The following DLG2 variants were observed in gnomAD, a reference collection of about 807,000 sequenced individuals.
DLG2 encodes the protein disks large homolog 2.
In DLG2, 45 loss-of-function variants were observed where a neutral mutation model predicts 132.5. That is an observed-to-expected ratio of 0.34 (90% CI 0.27 to 0.44). The LOEUF is 0.44. DLG2 is among the 20% of genes least tolerant of loss of function. The pLI is 1.00. For synonymous variants in DLG2, 424 were observed against 419.6 expected (o/e 1.01, Z -0.13); for missense variants, 1,045 against 1,196.9 (o/e 0.87, Z 1.87).
chr11:85,214,241 C>T (rs1344700469), intron 4 of DLG2, among the ~76,000 whole-genome samples: 1 of 152,106 alleles, frequency 6.6e-6, no homozygotes, highest in Non-Finnish European at 1.5e-5. Context: ...TCCTTTTTAG[C>T]TCTCGTCTTG....
At chr11:84,545,399 G>A in intron 6 of DLG2, 1 of 507,126 alleles carries the variant, frequency 2.0e-6, no homozygotes, top group Non-Finnish European at 3.8e-6. Context: ...AACCACCACG[G>A]CTGCCACCAA....
At chr11:84,859,022 C>T (rs1470855143) in intron 6 of DLG2, among the ~76,000 whole-genome samples, 3 of 151,856 alleles carry the variant, frequency 2.0e-5, no homozygotes, top group Non-Finnish European at 4.4e-5. Context: ...TTATACGCTT[C>T]ATCTTTTTAT....
chr11:84,325,582 G>A (rs2098426440), intron 7 of DLG2, among the ~76,000 whole-genome samples: 1 of 151,992 alleles, frequency 6.6e-6, no homozygotes, highest in African/African-American at 2.4e-5. Context: ...AACCATTCTT[G>A]CATCTCAGAA....
chr11:83,557,866 CTGTT>C (rs2096546107), intron 19 of DLG2, among the ~76,000 whole-genome samples: 1 of 152,070 alleles, frequency 6.6e-6, no homozygotes, highest in African/African-American at 2.4e-5. Context: ...TCAAGGCAGA[CTGTT>C]TGTCAAGGAA....
At chr11:83,923,607 G>A (rs1011581479) in intron 15 of DLG2, among the ~76,000 whole-genome samples, 3 of 151,966 alleles carry the variant, frequency 2.0e-5, no homozygotes, top group African/African-American at 7.3e-5. Flanking sequence ...TGTCCAACAG[G>A]GGCAAAGAAT....
intron 3 of DLG2, among the ~76,000 whole-genome samples, chr11:85,351,477 T>C (rs575513394): frequency 7.0e-4 from 106 of 152,320 alleles, no homozygotes; most frequent in Middle Eastern, 3.4e-3. Context: ...GAGGGCATTC[T>C]TGTCTTGTGC....
At chr11:84,497,573 G>A (rs1430953) in intron 7 of DLG2, among the ~76,000 whole-genome samples, 29,557 of 151,906 alleles carry the variant, frequency 0.19, 2,993 homozygotes, top group Non-Finnish European at 0.23. Flanking sequence ...AGATCCCTGC[G>A]GAAACCTCTG....
At chr11:84,248,708 C>CA (rs375055807) in intron 8 of DLG2, among the ~76,000 whole-genome samples, 18 of 150,832 alleles carry the variant, frequency 1.2e-4, no homozygotes, top group African/African-American at 3.9e-4. Context: ...ATACAAAAAA[C>CA]AAAAAAAAAT....
chr11:83,708,509 A>C (rs2084595469), intron 18 of DLG2, among the ~76,000 whole-genome samples: 1 of 152,240 alleles, frequency 6.6e-6, no homozygotes, highest in South Asian at 2.1e-4. Context: ...ACAAGGCCAG[A>C]AATTTGGTAA....
At chr11:85,363,930 G>T (rs1039950061) in intron 3 of DLG2, among the ~76,000 whole-genome samples, 2 of 152,088 alleles carry the variant, frequency 1.3e-5, no homozygotes, top group Admixed American at 6.6e-5. Flanking sequence ...CAGGATGATT[G>T]GTTCATAGGA....
At chr11:84,183,135 G>T (rs1222170693) in intron 8 of DLG2, among the ~76,000 whole-genome samples, 4 of 152,104 alleles carry the variant, frequency 2.6e-5, no homozygotes, top group Non-Finnish European at 5.9e-5. Context: ...GCCCAGATGG[G>T]TTCAAAGGTG....
At chr11:84,439,732 C>T (rs2099011893) in intron 7 of DLG2, among the ~76,000 whole-genome samples, 1 of 152,152 alleles carries the variant, frequency 6.6e-6, no homozygotes, top group Admixed American at 6.5e-5. Flanking sequence ...TTTCTGCACA[C>T]AAGTTGTTCC....
At chr11:84,728,805 T>C (rs1486921727) in intron 6 of DLG2, among the ~76,000 whole-genome samples, 1 of 152,218 alleles carries the variant, frequency 6.6e-6, no homozygotes, top group African/African-American at 2.4e-5. Context: ...AACTTCTTCC[T>C]GGTTTAGACA....
At chr11:84,431,159 T>C (rs539392281) in intron 7 of DLG2, among the ~76,000 whole-genome samples, 1 of 152,352 alleles carries the variant, frequency 6.6e-6, no homozygotes, top group South Asian at 2.1e-4. Context: ...TAACTCATCA[T>C]AAACCTACAT....
intron 19 of DLG2, among the ~76,000 whole-genome samples, chr11:83,578,976 T>G (rs2096926238): frequency 6.6e-6 from 1 of 152,210 alleles, no homozygotes. Context: ...AATATTTGCT[T>G]CCCCACTGTG....
At chr11:84,130,568 C>A (rs536784163) in intron 9 of DLG2, among the ~76,000 whole-genome samples, 1 of 139,738 alleles carries the variant, frequency 7.2e-6, no homozygotes, top group Admixed American at 7.0e-5. Flanking sequence ...TATAAGTATA[C>A]GCACACATAG....
At chr11:84,041,665 T>G (rs924124284) in intron 11 of DLG2, among the ~76,000 whole-genome samples, 1 of 152,042 alleles carries the variant, frequency 6.6e-6, no homozygotes, top group Non-Finnish European at 1.5e-5. Context: ...AATTTTAATA[T>G]AGGTCAATTT....
chr11:85,002,023 A>G (rs909023169), intron 6 of DLG2, among the ~76,000 whole-genome samples: 3 of 152,214 alleles, frequency 2.0e-5, no homozygotes, highest in African/African-American at 7.2e-5. Context: ...CCAAGTAATC[A>G]TAAGCCCTGG....
intron 18 of DLG2, among the ~76,000 whole-genome samples, chr11:83,751,306 T>C (rs2093291716): frequency 6.6e-6 from 1 of 151,798 alleles, no homozygotes. Context: ...AGAGGAAGAG[T>C]AGCTAGAAAC....
Sources: gnomAD v4.1 joint callset for allele counts (sites outside exome capture counted in the v4.1 genomes callset) on GRCh38, gnomAD v4.1.1 for gene constraint, MANE v1.5 for transcripts, NCBI Gene and HGNC (gene_info 2026-07-23, HGNC 2026-07-21) for gene names.